Variants in FAM222B observed in about 807,000 individuals in gnomAD.
FAM222B encodes the protein family with sequence similarity 222 member B.
In FAM222B, 12 loss-of-function variants were observed where a neutral mutation model predicts 38.0. The ratio of observed to expected loss-of-function variants is 0.32; its 90% CI spans 0.20 to 0.51. FAM222B has a LOEUF of 0.51. Among genes scored for constraint, FAM222B ranks in the 20% least tolerant of loss-of-function variants. FAM222B has a pLI of 0.97. For missense variants in FAM222B, 716 were observed against 754.2 expected (o/e 0.95, Z 0.59); for synonymous variants, 329 against 317.2 (o/e 1.04, Z -0.40).
chr17:28,820,098 TC>T (rs2038158393), intron 1 of FAM222B, among the ~76,000 whole-genome samples: 1 of 152,082 alleles, frequency 6.6e-6, no homozygotes, highest in African/African-American at 2.4e-5. Flanking sequence ...AACACACAGG[TC>T]CCTATACTAA....
At chr17:28,833,446 G>A (rs906618193) in intron 1 of FAM222B, among the ~76,000 whole-genome samples, 8 of 150,676 alleles carry the variant, frequency 5.3e-5, no homozygotes, top group African/African-American at 9.8e-5. Flanking sequence ...GTGAAACCCC[G>A]TCTCTACTAA....
chr17:28,830,750 C>T (rs544642193), intron 1 of FAM222B, among the ~76,000 whole-genome samples: 3 of 151,628 alleles, frequency 2.0e-5, no homozygotes, highest in African/African-American at 7.3e-5. Flanking sequence ...CTGTGGAAGG[C>T]TGAGGTAAGC....
intron 1 of FAM222B, among the ~76,000 whole-genome samples, chr17:28,835,698 C>T (rs546821287): frequency 7.2e-5 from 11 of 152,126 alleles, no homozygotes; most frequent in South Asian, 4.2e-4. Context: ...CTCACTCTGT[C>T]GCCCAGGCTG....
chr17:28,839,880 T>C (rs888555400), intron 1 of FAM222B, among the ~76,000 whole-genome samples: 2 of 151,662 alleles, frequency 1.3e-5, no homozygotes, highest in African/African-American at 4.8e-5. Context: ...ACCAGGTTCA[T>C]TTTTCCCATT....
chr17:28,766,576 G>C lies in FAM222B; in HGVS notation c.82+10C>G, dbSNP rs370814474. 3 of 1,586,004 alleles carry C rather than the reference G, an allele frequency of 1.9e-6. No homozygotes were observed. The highest frequency in any genetic ancestry group is 2.6e-6 in the Non-Finnish European group (3 of 1,165,278). On this transcript the variant is annotated intron_variant, in intron 2 of 2. Coordinates refer to ENST00000581407, the MANE Select transcript of FAM222B (RefSeq NM_001077498.3). ...AATCACACATGCTCCATAGGATCCA[G>C]ATTACTTACATTTCTGAAGTCCAGT... is the stretch of plus-strand genomic sequence containing the variant.
chr17:28,830,839 T>A (rs1408641290), intron 1 of FAM222B, among the ~76,000 whole-genome samples: 1 of 151,056 alleles, frequency 6.6e-6, no homozygotes, highest in Non-Finnish European at 1.5e-5. Flanking sequence ...AAAAATAAAA[T>A]AAAATAAAGT....
In FAM222B at chr17:28,759,508, C is replaced by A; in HGVS notation, c.451G>T (p.Ala151Ser). 6.3e-7 allele frequency: 1 copy of A among 1,578,458 alleles called. No individual in the cohort carries two copies. The highest frequency in any genetic ancestry group is 1.8e-5 in the Admixed American group (1 of 57,046). Residue 151 changes from alanine to serine, a missense_variant, in exon 3 of 3, where the codon GCT becomes TCT. Physicochemically the swap from Ala to Ser is moderately conservative, Grantham distance 99 (BLOSUM62 1). Coordinates refer to ENST00000581407, the MANE Select transcript of FAM222B (RefSeq NM_001077498.3). This position sits in a 1 kb window ranked among gnomAD's most constrained non-coding sequence, Gnocchi z 4.8. ...PSTLAHPQAQ[A>S]LARQQALQHA... ...TGCAGGGCCTGCTGGCGGGCCAGAG[C>A]CTGGGCCTGGGGGTGGGCTAAAGTG...
At chr17:28,827,680 T>A (rs2038492364) in intron 1 of FAM222B, among the ~76,000 whole-genome samples, 1 of 152,168 alleles carries the variant, frequency 6.6e-6, no homozygotes. Flanking sequence ...TTCAGATAAT[T>A]GTTTATGTTT....
chr17:28,840,314 C>T (rs1271324583), intron 1 of FAM222B, among the ~76,000 whole-genome samples: 1 of 151,950 alleles, frequency 6.6e-6, no homozygotes, highest in Non-Finnish European at 1.5e-5. Context: ...TGCAATGAGC[C>T]GAGATTGCGC....
intron 1 of FAM222B, among the ~76,000 whole-genome samples, chr17:28,767,765 C>G (rs1468835336): frequency 6.6e-6 from 1 of 151,962 alleles, no homozygotes; most frequent in African/African-American, 2.4e-5. Context: ...CATGAGCCAC[C>G]GCACCCGGCC....
rs569709418 is a variant in FAM222B at position 28,786,022 on chromosome 17, C to T, written c.-40-19315G>A. Among the ~76,000 whole-genome samples the T allele has an allele frequency of 4.0e-5, 6 of 151,520 alleles. No homozygotes were observed. In the South Asian group the frequency reaches 8.3e-4, roughly 21 times the overall value. ...CTAATTTTTGTATTTTTAGTAGAGA[C>T]GGGGTTTCACCTTGTTGGCCAGGAT... On this transcript the variant is annotated intron_variant, in intron 1 of 2. Coordinates refer to ENST00000581407, the MANE Select transcript of FAM222B (RefSeq NM_001077498.3).
At chr17:28,809,735 G>A (rs1174872935) in intron 1 of FAM222B, among the ~76,000 whole-genome samples, 2 of 152,100 alleles carry the variant, frequency 1.3e-5, no homozygotes, top group African/African-American at 2.4e-5. Flanking sequence ...CAACACTTTG[G>A]GAGGCCTCTG....
At chr17:28,782,608 T>C (rs1473330650) in intron 1 of FAM222B, among the ~76,000 whole-genome samples, 1 of 152,212 alleles carries the variant, frequency 6.6e-6, no homozygotes, top group African/African-American at 2.4e-5. Context: ...GCTGGGTATG[T>C]AAATATGGTA....
intron 1 of FAM222B, among the ~76,000 whole-genome samples, chr17:28,841,022 C>T (rs1474943385): frequency 6.6e-6 from 1 of 151,994 alleles, no homozygotes; most frequent in Non-Finnish European, 1.5e-5. Flanking sequence ...TAGCCAGGCA[C>T]GGTGGCTCAC....
chr17:28,762,885 C>A (rs946196163), intron 2 of FAM222B, among the ~76,000 whole-genome samples: 1 of 151,484 alleles, frequency 6.6e-6, no homozygotes, highest in Non-Finnish European at 1.5e-5. Context: ...TTGCAGTGAG[C>A]CAAGATCGCA....
intron 1 of FAM222B, among the ~76,000 whole-genome samples, chr17:28,833,051 G>A (rs972525866): frequency 2.9e-4 from 44 of 149,998 alleles, no homozygotes; most frequent in African/African-American, 1.0e-3. Flanking sequence ...GGCCAGGCAC[G>A]GTGACTCAGG....
At chr17:28,769,470 C>G (rs527917912) in intron 1 of FAM222B, among the ~76,000 whole-genome samples, 10 of 151,840 alleles carry the variant, frequency 6.6e-5, no homozygotes, top group African/African-American at 2.2e-4. Flanking sequence ...CGTAAGCCAC[C>G]GTGCCTGGCC....
intron 1 of FAM222B, among the ~76,000 whole-genome samples, chr17:28,825,014 T>C (rs928980364): frequency 6.6e-6 from 1 of 152,166 alleles, no homozygotes; most frequent in Non-Finnish European, 1.5e-5. Context: ...TCCGCCCGCC[T>C]TGGCCTCCCA....
intron 1 of FAM222B, among the ~76,000 whole-genome samples, chr17:28,774,437 G>C (rs900796532): frequency 6.6e-6 from 1 of 152,134 alleles, no homozygotes; most frequent in Admixed American, 6.5e-5. Flanking sequence ...TGCTACGTTA[G>C]CTACCCAAGG....
Sources: allele counts gnomAD v4.1 joint callset (sites outside exome capture counted in the v4.1 genomes callset), GRCh38; gene constraint gnomAD v4.1.1; non-coding constraint Gnocchi (gnomAD v3.1); transcripts MANE v1.5; gene names NCBI Gene and HGNC (gene_info 2026-07-23, HGNC 2026-07-21).